Variants in ACOT1 observed in about 807,000 individuals in gnomAD.
ACOT1 encodes the protein acyl-coenzyme A thioesterase 1.
A neutral mutation model predicts 15.7 loss-of-function variants in ACOT1; 8 were observed. The observed-to-expected ratio is 0.51, with a 90% CI of 0.30 to 0.92. The LOEUF is 0.92. Among genes scored for constraint, ACOT1 ranks in the 40% least tolerant of loss-of-function variants. The probability of loss-of-function intolerance (pLI) is 0.06; values close to 1 mark genes in which losing one functional copy is unlikely to be tolerated. For synonymous variants in ACOT1, 67 were observed against 241.2 expected, an observed-to-expected ratio of 0.28 and a Z score of 6.69; for missense variants, 151 against 539.4, an observed-to-expected ratio of 0.28 and a Z score of 7.13.
At chr14:73,521,140 G>A in the ACOT1 span, 1 of 1,006,438 alleles carries the variant, frequency 9.9e-7, no homozygotes, top group Non-Finnish European at 1.5e-6. Context: ...TTTAAGCTCA[G>A]CTCCTATACA....
At chr14:73,498,537 C>T in the ACOT1 span, among the ~76,000 whole-genome samples, 1 of 152,250 alleles carries the variant, frequency 6.6e-6, no homozygotes, top group South Asian at 2.1e-4. Context: ...CCCATCCTTG[C>T]CTGTTAGGAT....
chr14:73,533,942 T>C (rs564270077), upstream of ACOT1, among the ~76,000 whole-genome samples: 5 of 106,578 alleles, frequency 4.7e-5, 1 homozygote, highest in Non-Finnish European at 6.0e-5. Flanking sequence ...ATCCCAGCAC[T>C]TTGGGAAGAT....
chr14:73,529,009 A>C, the ACOT1 span: 1 of 152,176 alleles, frequency 6.6e-6, no homozygotes, highest in Admixed American at 6.6e-5. Flanking sequence ...AGCCCTCTAG[A>C]ACCAAAAGCA....
chr14:73,507,313 G>A, the ACOT1 span, among the ~76,000 whole-genome samples: 7 of 152,104 alleles, frequency 4.6e-5, no homozygotes, highest in Admixed American at 3.9e-4. Flanking sequence ...TTTTCTCTCA[G>A]CTAACTATTG....
Position 73,543,189 on chromosome 14 carries a change from A to G in ACOT1, c.800A>G (p.Tyr267Cys), listed in dbSNP as rs768121293. 12 of 1,605,486 alleles carry G rather than the reference A, an allele frequency of 7.5e-6. No individual in the cohort carries two copies. Among genetic ancestry groups the G allele is most frequent in the Middle Eastern group, 1.7e-4 (1 of 6,038 alleles). ...GCCAATGTTGGGGGAACCTTACGCT[A>G]CAAGGGCGAGACCCTGCCCCCTGTG... The part of the protein sequence containing the change: ...SVANVGGTLR[Y>C]KGETLPPVGV... Residue 267 changes from tyrosine (Y) to cysteine (C), a missense_variant, in exon 3 of 3, where the codon TAC becomes TGC. Tyr to Cys is a radical substitution (Grantham distance 194). Transcript: ENST00000311148.
chr14:73,522,716 T>C, the ACOT1 span: 5 of 1,614,070 alleles, frequency 3.1e-6, no homozygotes, highest in African/African-American at 4.0e-5. Context: ...CTTCAGCTTC[T>C]TTTCGGGATT....
At chr14:73,520,798 C>T in the ACOT1 span, 6 of 1,504,954 alleles carry the variant, frequency 4.0e-6, no homozygotes, top group Non-Finnish European at 5.5e-6. Context: ...CAATCTTCCA[C>T]CTTCCTGGCC....
At chr14:73,516,888 C>G in the ACOT1 span, among the ~76,000 whole-genome samples, 2 of 152,154 alleles carry the variant, frequency 1.3e-5, no homozygotes, top group African/African-American at 2.4e-5. Context: ...TCAAACCATC[C>G]CCACCCCGCT....
chr14:73,492,029 G>GC, the ACOT1 span: 3 of 1,613,942 alleles, frequency 1.9e-6, no homozygotes, highest in Non-Finnish European at 1.7e-6. The surrounding 1 kb of genome is among the most constrained non-coding windows in gnomAD (Gnocchi z 4.9). Flanking sequence ...GCAGGGCTTT[G>GC]CCCCCCACTA....
chr14:73,536,934 T>C (rs116671619), upstream of ACOT1, among the ~76,000 whole-genome samples: 3,900 of 113,308 alleles, frequency 0.034, 925 homozygotes, highest in African/African-American at 0.11. Flanking sequence ...TGCATTCCTC[T>C]TCGCCATCAG....
chr14:73,512,247 A>C, the ACOT1 span: 3 of 1,353,032 alleles, frequency 2.2e-6, no homozygotes, highest in Non-Finnish European at 3.1e-6. Flanking sequence ...CACCCAGAAT[A>C]ATTCAAGCAA....
At chr14:73,525,759 C>T in the ACOT1 span, among the ~76,000 whole-genome samples, 4 of 152,024 alleles carry the variant, frequency 2.6e-5, no homozygotes, top group Admixed American at 2.6e-4. Context: ...TCAAGACTGG[C>T]CTGGCCAACA....
At chr14:73,506,824 T>TTTTTTTTTTTTTTTTTTTTTTTTGTTTG in the ACOT1 span, among the ~76,000 whole-genome samples, 1 of 134,430 alleles carries the variant, frequency 7.4e-6, no homozygotes, top group Non-Finnish European at 1.5e-5. Flanking sequence ...TTTTTTTTTT[T>TTTTTTTTTTTTTTTTTTTTTTTTGTTTG]TCTGAGAAGG....
At chr14:73,506,475 C>T in the ACOT1 span, 2 of 1,613,152 alleles carry the variant, frequency 1.2e-6, no homozygotes, top group African/African-American at 1.3e-5. Context: ...ACCAAGCAGA[C>T]ATTTCCACTG....
At chr14:73,493,735 G>T in the ACOT1 span, among the ~76,000 whole-genome samples, 2 of 152,180 alleles carry the variant, frequency 1.3e-5, no homozygotes, top group African/African-American at 4.8e-5. Context: ...CTACTAGGGG[G>T]GCTGAGGCAG....
Position 73,539,778 on chromosome 14 carries a change from C to G in ACOT1, c.458-1715C>G, listed in dbSNP as rs770978829. The G allele has an allele frequency of 4.3e-5, 5 of 117,312 alleles. 2 individuals carry two copies. Among genetic ancestry groups the G allele is most frequent in the Non-Finnish European group, 1.9e-5 (1 of 53,622 alleles). The allele number at this position is 117,312 out of a possible 1,614,324, so 7.3% of individuals were successfully genotyped here. A position where few individuals can be genotyped will look rare whatever the true frequency, so the allele number is the denominator to read the frequency against. ...TCCATCAGCACACGCGTGGGCTGTG[C>G]TCATCGCTGCCGGGGCACTGGGGTT... On this transcript the variant is annotated intron_variant, in intron 1 of 2. Transcript: ENST00000311148.
chr14:73,521,962 T>C, the ACOT1 span, among the ~76,000 whole-genome samples: 7 of 152,226 alleles, frequency 4.6e-5, no homozygotes, highest in Non-Finnish European at 1.0e-4. Context: ...TGGAGACATC[T>C]GGCAGTGTCT....
chr14:73,501,849 G>A, the ACOT1 span, among the ~76,000 whole-genome samples: 3 of 151,394 alleles, frequency 2.0e-5, no homozygotes, highest in Non-Finnish European at 4.4e-5. Context: ...CAACTCCCAG[G>A]TTCACGCCAT....
the ACOT1 span, among the ~76,000 whole-genome samples, chr14:73,494,769 C>T: frequency 6.6e-6 from 1 of 151,960 alleles, no homozygotes; most frequent in East Asian, 1.9e-4. Flanking sequence ...CTATGTTGCC[C>T]AGACTGGTTT....
Sources: allele counts gnomAD v4.1 joint callset (sites outside exome capture counted in the v4.1 genomes callset), GRCh38; gene constraint gnomAD v4.1.1; non-coding constraint Gnocchi (gnomAD v3.1); transcripts MANE v1.5; gene names NCBI Gene and HGNC (gene_info 2026-07-23, HGNC 2026-07-21).